The following SEMA6D variants were observed in gnomAD, a reference collection of about 807,000 sequenced individuals.
SEMA6D encodes semaphorin 6D.
Under a neutral mutation model 106.6 loss-of-function variants are expected in SEMA6D, and 35 were observed. That is an observed-to-expected ratio of 0.33 (90% confidence interval 0.25 to 0.44). The LOEUF is 0.44. Among genes scored for constraint, SEMA6D ranks in the 20% least tolerant of loss-of-function variants. The pLI is 1.00. For synonymous variants in SEMA6D, 499 were observed against 487.7 expected (o/e 1.02, Z -0.31); for missense variants, 1,185 against 1,345.9 (o/e 0.88, Z 1.87).
chr15:47,483,019 A>G (rs888554272), intron 3 of SEMA6D, among the ~76,000 whole-genome samples: 3 of 152,198 alleles, frequency 2.0e-5, no homozygotes, highest in African/African-American at 7.2e-5. Flanking sequence ...AATGGGAAAG[A>G]CAAACAATGA....
chr15:47,441,101 C>T (rs1033744369), intron 2 of SEMA6D, among the ~76,000 whole-genome samples: 4 of 152,088 alleles, frequency 2.6e-5, no homozygotes, highest in African/African-American at 9.6e-5. Flanking sequence ...TCCTTAAACA[C>T]TCACTTTGCA....
At chr15:47,518,442 G>A (rs2044459943) in intron 3 of SEMA6D, among the ~76,000 whole-genome samples, 1 of 152,090 alleles carries the variant, frequency 6.6e-6, no homozygotes. Flanking sequence ...TAAGAAATGT[G>A]GTATTAGGTG....
chr15:47,761,247 A>G, intron 5 of SEMA6D, 27 bp downstream of exon 5: 2 of 1,613,114 alleles, frequency 1.2e-6, no homozygotes, highest in Non-Finnish European at 1.7e-6. Flanking sequence ...AATGTCTGCT[A>G]GATTTAGTCT....
chr15:47,240,493 G>T (rs910127089), intron 1 of SEMA6D, among the ~76,000 whole-genome samples: 7 of 152,130 alleles, frequency 4.6e-5, no homozygotes, highest in Non-Finnish European at 8.8e-5. Flanking sequence ...CATCTATGAA[G>T]TCAAGCCTTT....
At chr15:47,666,774 G>C (rs1478293804) in intron 4 of SEMA6D, among the ~76,000 whole-genome samples, 1 of 152,160 alleles carries the variant, frequency 6.6e-6, no homozygotes, top group Non-Finnish European at 1.5e-5. Context: ...CACATGAACA[G>C]CAAATGAAGC....
intron 1 of SEMA6D, among the ~76,000 whole-genome samples, chr15:47,357,805 A>G (rs1010398260): frequency 6.6e-6 from 1 of 152,174 alleles, no homozygotes; most frequent in African/African-American, 2.4e-5. Context: ...CCAAGTTGAC[A>G]CTGAGTGTTA....
At chr15:47,265,737 G>C (rs1322322676) in intron 1 of SEMA6D, among the ~76,000 whole-genome samples, 1 of 151,636 alleles carries the variant, frequency 6.6e-6, no homozygotes, top group Non-Finnish European at 1.5e-5. Flanking sequence ...ATAGCCATTT[G>C]GGGTACCGAT....
rs60351164 is a variant in SEMA6D at position 47,210,708 on chromosome 15, T to C, written c.-239+26290T>C. Among the ~76,000 whole-genome samples the C allele has an allele frequency of 3.3e-3, 446 of 136,140 alleles. 2 individuals carry two copies. Among genetic ancestry groups the C allele is most frequent in the African/African-American group, 0.012 (428 of 35,458 alleles). The allele number at this position is 136,140 out of a possible 152,430, so 89.3% of individuals were successfully genotyped here. A position where few individuals can be genotyped will look rare whatever the true frequency, so the allele number is the denominator to read the frequency against. ...TGAACCTGGGAGGTGGATGTTGCAG[T>C]GAGCCGAGATAGCACCACTGCAGTC... On this transcript the variant is annotated intron_variant, in intron 1 of 19. Transcript: ENST00000558014.
intron 3 of SEMA6D, among the ~76,000 whole-genome samples, chr15:47,516,678 G>A (rs985358699): frequency 1.9e-4 from 29 of 152,180 alleles, no homozygotes; most frequent in African/African-American, 7.0e-4. Context: ...ATAGTAGTGT[G>A]CCCTCAGCTG....
At chr15:47,348,299 TCTTCCTCTC>T (rs1191254475) in intron 1 of SEMA6D, among the ~76,000 whole-genome samples, 1 of 152,168 alleles carries the variant, frequency 6.6e-6, no homozygotes, top group African/African-American at 2.4e-5. Flanking sequence ...CTAACATCTC[TCTTCCTCTC>T]CTTCCTCATC....
intron 1 of SEMA6D, among the ~76,000 whole-genome samples, chr15:47,260,665 G>T (rs1452504405): frequency 6.6e-6 from 1 of 152,170 alleles, no homozygotes; most frequent in Non-Finnish European, 1.5e-5. Context: ...GGCAAAAGAG[G>T]CTACCATGCT....
chr15:47,620,984 G>C (rs1281012097), intron 4 of SEMA6D, among the ~76,000 whole-genome samples: 2 of 151,626 alleles, frequency 1.3e-5, no homozygotes, highest in African/African-American at 4.9e-5. Context: ...TGAAGAAGAA[G>C]AACACACAGG....
At chr15:47,596,502 G>A (rs1331844934) in intron 3 of SEMA6D, among the ~76,000 whole-genome samples, 1 of 151,998 alleles carries the variant, frequency 6.6e-6, no homozygotes, top group African/African-American at 2.4e-5. Context: ...AAACAAAGCT[G>A]GAGGCATCAC....
intron 1 of SEMA6D, among the ~76,000 whole-genome samples, chr15:47,211,273 T>C (rs1277182754): frequency 2.0e-5 from 3 of 152,166 alleles, no homozygotes; most frequent in Admixed American, 6.5e-5. Flanking sequence ...CACATAACTG[T>C]ATAGCTTGCA....
chr15:47,340,861 C>T (rs1201898868), intron 1 of SEMA6D, among the ~76,000 whole-genome samples: 2 of 152,096 alleles, frequency 1.3e-5, no homozygotes, highest in East Asian at 3.9e-4. Flanking sequence ...CTCCTGGTGC[C>T]ATTAGAATGG....
intron 4 of SEMA6D, among the ~76,000 whole-genome samples, chr15:47,680,147 TATC>T (rs1316458961): frequency 6.6e-6 from 1 of 152,188 alleles, no homozygotes; most frequent in Admixed American, 6.5e-5. Context: ...AGTTTACTCT[TATC>T]AGGACAAAAT....
chr15:47,459,098 A>T (rs1460739357), intron 2 of SEMA6D, among the ~76,000 whole-genome samples: 1 of 152,160 alleles, frequency 6.6e-6, no homozygotes, highest in Non-Finnish European at 1.5e-5. Context: ...AGGTGATAGG[A>T]TACAGCCCCC....
At chr15:47,676,984 T>G (rs2078258877) in intron 4 of SEMA6D, among the ~76,000 whole-genome samples, 1 of 152,072 alleles carries the variant, frequency 6.6e-6, no homozygotes, top group African/African-American at 2.4e-5. Context: ...TCATCAGGCA[T>G]TAGATTCTCA....
intron 1 of SEMA6D, among the ~76,000 whole-genome samples, chr15:47,235,778 C>G (rs1022842235): frequency 1.3e-5 from 2 of 151,938 alleles, no homozygotes; most frequent in Non-Finnish European, 1.5e-5. Flanking sequence ...GTTCTTTTTG[C>G]TTAGGATTTA....
Sources: gnomAD v4.1 joint callset for allele counts (sites outside exome capture counted in the v4.1 genomes callset) on GRCh38, gnomAD v4.1.1 for gene constraint, MANE v1.5 for transcripts, NCBI Gene and HGNC (gene_info 2026-07-23, HGNC 2026-07-21) for gene names.